Variants in VRK2 observed in about 807,000 individuals in gnomAD.
VRK2 encodes serine/threonine-protein kinase VRK2.
Under a neutral mutation model 57.6 loss-of-function variants are expected in VRK2, and 60 were observed. The observed-to-expected ratio is 1.04, with a 90% CI of 0.85 to 1.29. VRK2 has a LOEUF of 1.29. Among genes scored for constraint, VRK2 ranks in the 50% most tolerant of loss-of-function variants. VRK2 has a pLI of 0.00. For synonymous variants in VRK2, 231 were observed against 199.2 expected (o/e 1.16, Z -1.35); for missense variants, 705 against 588.1 (o/e 1.20, Z -2.06).
At chr2:58,046,977 A>G in intron 1 of VRK2, 109 bp downstream of exon 1, 1 of 983,964 alleles carries the variant, frequency 1.0e-6, no homozygotes, top group African/African-American at 1.8e-5. Context: ...GATGCCGGGG[A>G]CTCCGGGCCG....
chr2:58,093,560 A>G (rs1330454370), intron 7 of VRK2, among the ~76,000 whole-genome samples: 2 of 152,112 alleles, frequency 1.3e-5, no homozygotes, highest in Non-Finnish European at 2.9e-5. Context: ...GATTCTGGAT[A>G]TTAGTCCTTT....
At chr2:58,106,630 A>C (rs758184080) in intron 7 of VRK2, among the ~76,000 whole-genome samples, 1 of 152,006 alleles carries the variant, frequency 6.6e-6, no homozygotes, top group African/African-American at 2.4e-5. Context: ...AAAAAATATG[A>C]AAGGATAAAA....
At chr2:57,952,279 G>T (rs1671451250) in intron 1 of VRK2, among the ~76,000 whole-genome samples, 1 of 151,976 alleles carries the variant, frequency 6.6e-6, no homozygotes, top group Non-Finnish European at 1.5e-5. Context: ...CACCTCCAAG[G>T]TATGCCTGTA....
At chr2:58,092,819 C>T (rs896765687) in intron 7 of VRK2, among the ~76,000 whole-genome samples, 15 of 152,162 alleles carry the variant, frequency 9.9e-5, no homozygotes, top group African/African-American at 2.7e-4. Flanking sequence ...CCTCTTCCCC[C>T]GACCCCATGA....
intron 1 of VRK2, among the ~76,000 whole-genome samples, chr2:57,949,110 T>C (rs1325029923): frequency 6.6e-6 from 1 of 152,050 alleles, no homozygotes; most frequent in Non-Finnish European, 1.5e-5. Context: ...TGTTTTAAAC[T>C]AGACAATCAG....
chr2:58,066,328 T>C (rs1185389309), intron 2 of VRK2, among the ~76,000 whole-genome samples: 1 of 152,192 alleles, frequency 6.6e-6, no homozygotes, highest in East Asian at 1.9e-4. Flanking sequence ...TCTACTTCAA[T>C]TGATATGATC....
At chr2:57,995,647 G>C (rs945622834) in intron 1 of VRK2, among the ~76,000 whole-genome samples, 1 of 152,180 alleles carries the variant, frequency 6.6e-6, no homozygotes, top group Non-Finnish European at 1.5e-5. Flanking sequence ...TACTCTGTTT[G>C]AGTGTGCAGC....
At chr2:58,131,991 G>A (rs753915520) in intron 9 of VRK2, 63 bp downstream of exon 9, 16 of 1,591,340 alleles carry the variant, frequency 1.0e-5, no homozygotes, top group East Asian at 4.5e-5. Context: ...ATTAAAGGGA[G>A]CTAACAACAC....
intron 2 of VRK2, among the ~76,000 whole-genome samples, chr2:58,029,424 A>G (rs781411748): frequency 3.9e-5 from 6 of 152,128 alleles, no homozygotes; most frequent in East Asian, 1.9e-4. Context: ...AGATGGTACC[A>G]TCTTGCTTTG....
intron 1 of VRK2, among the ~76,000 whole-genome samples, chr2:57,944,006 C>G (rs1382987325): frequency 3.3e-5 from 5 of 152,316 alleles, no homozygotes; most frequent in Middle Eastern, 3.4e-3. Flanking sequence ...ATGACAGGCA[C>G]TGGGCCAGAT....
chr2:58,084,166 C>A, intron 3 of VRK2, 28 bp downstream of exon 3: 1 of 1,574,010 alleles, frequency 6.4e-7, no homozygotes, highest in South Asian at 1.2e-5. Context: ...ATTTGTATTT[C>A]ACATATATTT....
At chr2:57,998,013 A>T (rs1290677754) in intron 1 of VRK2, among the ~76,000 whole-genome samples, 1 of 152,220 alleles carries the variant, frequency 6.6e-6, no homozygotes, top group African/African-American at 2.4e-5. Context: ...TAATGATCAG[A>T]ACACAAGTCT....
At chr2:57,947,064 C>A (rs1671284232) in intron 1 of VRK2, among the ~76,000 whole-genome samples, 1 of 152,152 alleles carries the variant, frequency 6.6e-6, no homozygotes, top group Non-Finnish European at 1.5e-5. Flanking sequence ...AGTAAAGCAT[C>A]TCAGTTAAAG....
intron 1 of VRK2, among the ~76,000 whole-genome samples, chr2:57,990,458 T>G (rs906521007): frequency 2.0e-5 from 3 of 152,136 alleles, no homozygotes; most frequent in Non-Finnish European, 4.4e-5. Context: ...GTAAATATTG[T>G]CCAGATGATA....
intron 1 of VRK2, among the ~76,000 whole-genome samples, chr2:57,987,941 C>A (rs1672648971): frequency 6.6e-6 from 1 of 152,128 alleles, no homozygotes; most frequent in African/African-American, 2.4e-5. Flanking sequence ...ACAAGGCATT[C>A]TGGAAAAGTC....
chr2:57,907,861 C>G (rs1170664695), intron 1 of VRK2: 1 of 152,218 alleles, frequency 6.6e-6, no homozygotes, highest in Non-Finnish European at 1.5e-5. Context: ...CTCTCCATCT[C>G]CTGGCGAATG....
At chr2:57,975,600 C>T (rs1672225808) in intron 1 of VRK2, among the ~76,000 whole-genome samples, 1 of 151,918 alleles carries the variant, frequency 6.6e-6, no homozygotes, top group African/African-American at 2.4e-5. Context: ...GTCACCCAGA[C>T]TGCAAACATA....
chr2:58,143,087 A>G (rs1234433094), intron 11 of VRK2, among the ~76,000 whole-genome samples: 1 of 151,818 alleles, frequency 6.6e-6, no homozygotes, highest in African/African-American at 2.4e-5. Context: ...ATAGAATTTA[A>G]CGGTTTACAA....
At chr2:58,046,936 C>T in intron 1 of VRK2, 68 bp downstream of exon 1, 3 of 985,576 alleles carry the variant, frequency 3.0e-6, no homozygotes, top group Non-Finnish European at 3.6e-6. Flanking sequence ...GAGCCGCGGC[C>T]CCGCTCGGAA....
Sources: gnomAD v4.1 joint callset for allele counts (sites outside exome capture counted in the v4.1 genomes callset) on GRCh38, gnomAD v4.1.1 for gene constraint, MANE v1.5 for transcripts, NCBI Gene and HGNC (gene_info 2026-07-23, HGNC 2026-07-21) for gene names.